The following DOK6 variants were observed in gnomAD, a reference collection of about 807,000 sequenced individuals.
The protein encoded by DOK6 is docking protein 6.
In DOK6, 22 loss-of-function variants were observed where a neutral mutation model predicts 44.0. The observed-to-expected ratio is 0.50, with a 90% CI of 0.36 to 0.71. The LOEUF is 0.71. Ranked by LOEUF, DOK6 falls within the 30% of genes least tolerant of loss-of-function variation. The pLI, the probability that DOK6 is intolerant of heterozygous loss-of-function variation, is 0.00. For synonymous variants in DOK6, 166 were observed against 145.5 expected (o/e 1.14, Z -1.01); for missense variants, 340 against 416.4 (o/e 0.82, Z 1.60).
chr18:69,618,911 G>A (rs1184237663), intron 3 of DOK6, among the ~76,000 whole-genome samples: 1 of 151,432 alleles, frequency 6.6e-6, no homozygotes, highest in Non-Finnish European at 1.5e-5. Flanking sequence ...TTTTCTGATT[G>A]TCAAAGTGAT....
At chr18:69,590,730 G>T (rs898134221) in intron 2 of DOK6, among the ~76,000 whole-genome samples, 2 of 152,156 alleles carry the variant, frequency 1.3e-5, no homozygotes, top group African/African-American at 4.8e-5. Flanking sequence ...GATAATGAAA[G>T]GTGAGGACCA....
chr18:69,628,311 T>A (rs1984606514), intron 3 of DOK6, among the ~76,000 whole-genome samples: 1 of 152,118 alleles, frequency 6.6e-6, no homozygotes, highest in African/African-American at 2.4e-5. Flanking sequence ...GCAAACTTGG[T>A]GAAACCCCAT....
chr18:69,412,117 A>G (rs1978308909), intron 1 of DOK6, among the ~76,000 whole-genome samples: 4 of 152,108 alleles, frequency 2.6e-5, no homozygotes, highest in Admixed American at 2.0e-4. Context: ...TACTTTTTGT[A>G]TGTGTGCAGC....
At chr18:69,495,757 G>C (rs966663283) in intron 1 of DOK6, among the ~76,000 whole-genome samples, 10 of 152,168 alleles carry the variant, frequency 6.6e-5, no homozygotes, top group Admixed American at 1.3e-4. Context: ...TTCACGCCAA[G>C]AGGAGCCTGC....
At chr18:69,641,043 A>C (rs7226994) in intron 3 of DOK6, among the ~76,000 whole-genome samples, 140,789 of 151,964 alleles carry the variant, frequency 0.93, 66,195 homozygotes, top group East Asian at 1. Flanking sequence ...TAGTAAAACC[A>C]CGTCTCTACT....
chr18:69,429,636 T>G (rs1417290657), intron 1 of DOK6, among the ~76,000 whole-genome samples: 4 of 50,324 alleles, frequency 7.9e-5, no homozygotes, highest in Admixed American at 6.8e-4. Flanking sequence ...TATATATATA[T>G]ATATATATAT....
At chr18:69,489,697 T>C (rs988414091) in intron 1 of DOK6, among the ~76,000 whole-genome samples, 1 of 152,162 alleles carries the variant, frequency 6.6e-6, no homozygotes, top group Non-Finnish European at 1.5e-5. Flanking sequence ...TCCTTATCCT[T>C]CTCTTTCTAA....
intron 5 of DOK6, among the ~76,000 whole-genome samples, chr18:69,720,942 T>A (rs1277730982): frequency 6.6e-6 from 1 of 152,170 alleles, no homozygotes; most frequent in Non-Finnish European, 1.5e-5. Context: ...ACTTTCCTAC[T>A]AAAATGCCTT....
rs547612753 is a variant in DOK6, at chr18:69,553,999, C to G, written c.67-10488C>G. Reference sequence around the variant, plus strand: ...TAGCAAAGGATCAATTCTTCTGTCTCTATCTGTTCCTATATCACTTTTTCT... The same window carrying G: ...TAGCAAAGGATCAATTCTTCTGTCTGTATCTGTTCCTATATCACTTTTTCT... On this transcript the variant is annotated intron_variant, in intron 1 of 7. Coordinates refer to ENST00000382713, the MANE Select transcript of DOK6 (RefSeq NM_152721.6). Among the ~76,000 whole-genome samples, 4 of 152,286 alleles carry G rather than the reference C, an allele frequency of 2.6e-5. No homozygotes were observed. The East Asian group carries it at 7.7e-4, about 29-fold the overall frequency.
chr18:69,607,894 T>C (rs1984039720), intron 3 of DOK6, among the ~76,000 whole-genome samples: 1 of 152,178 alleles, frequency 6.6e-6, no homozygotes, highest in African/African-American at 2.4e-5. Flanking sequence ...GAAATGCAGG[T>C]AACAGATAAA....
intron 1 of DOK6, among the ~76,000 whole-genome samples, chr18:69,507,107 A>G (rs1160870304): frequency 1.3e-5 from 2 of 152,014 alleles, no homozygotes; most frequent in Non-Finnish European, 2.9e-5. Context: ...GGCTCACTGC[A>G]AACTCCACCT....
intron 1 of DOK6, among the ~76,000 whole-genome samples, chr18:69,557,802 G>C (rs1982725598): frequency 6.6e-6 from 1 of 152,142 alleles, no homozygotes; most frequent in South Asian, 2.1e-4. Context: ...GGGAAGGAAT[G>C]TCATCTGCCG....
chr18:69,719,336 C>A (rs929423532), intron 5 of DOK6, among the ~76,000 whole-genome samples: 1 of 152,144 alleles, frequency 6.6e-6, no homozygotes, highest in Non-Finnish European at 1.5e-5. Context: ...ACTGGTTGAG[C>A]AAGTTCCTTG....
At chr18:69,502,972 A>G (rs750806607) in intron 1 of DOK6, among the ~76,000 whole-genome samples, 4 of 152,056 alleles carry the variant, frequency 2.6e-5, no homozygotes, top group Non-Finnish European at 5.9e-5. Flanking sequence ...TGTGAATTTA[A>G]AGGATTCTGC....
intron 5 of DOK6, among the ~76,000 whole-genome samples, chr18:69,701,048 T>G (rs1463141706): frequency 6.6e-6 from 1 of 152,272 alleles, no homozygotes; most frequent in Non-Finnish European, 1.5e-5. Context: ...CAAAATACTT[T>G]TTTCATTGAC....
intron 7 of DOK6, among the ~76,000 whole-genome samples, chr18:69,771,257 T>C (rs1568121547): frequency 6.6e-6 from 1 of 152,128 alleles, no homozygotes; most frequent in East Asian, 1.9e-4. Flanking sequence ...TAGGTCAAGA[T>C]AAAATTCATA....
chr18:69,821,336 A>T (rs1228123556), intron 7 of DOK6, among the ~76,000 whole-genome samples: 5 of 152,126 alleles, frequency 3.3e-5, no homozygotes, highest in African/African-American at 1.2e-4. Context: ...AAAATACATT[A>T]TGTCTGCATC....
At chr18:69,777,005 G>C (rs376535792) in intron 7 of DOK6, among the ~76,000 whole-genome samples, 4 of 98,576 alleles carry the variant, frequency 4.1e-5, no homozygotes, top group African/African-American at 1.6e-4. Flanking sequence ...GTTGTTGGGT[G>C]GGGGGAGGGA....
intron 1 of DOK6, among the ~76,000 whole-genome samples, chr18:69,496,480 C>G (rs991144942): frequency 3.9e-5 from 6 of 152,260 alleles, no homozygotes; most frequent in African/African-American, 1.4e-4. Context: ...CTGCTGCCAT[C>G]AGTGCTATCT....
Sources: allele counts gnomAD v4.1 joint callset (sites outside exome capture counted in the v4.1 genomes callset), GRCh38; gene constraint gnomAD v4.1.1; transcripts MANE v1.5; gene names NCBI Gene and HGNC (gene_info 2026-07-23, HGNC 2026-07-21).